ZNF521: variants seen among roughly 807,000 people sequenced by gnomAD.
ZNF521 encodes LYST-interacting protein 3.
Under a neutral mutation model 105.5 loss-of-function variants are expected in ZNF521, and 14 were observed. The observed-to-expected ratio is 0.13, with a 90% CI of 0.09 to 0.21. The LOEUF (loss-of-function observed/expected upper bound fraction) is 0.21. Ranked by LOEUF, ZNF521 falls within the 10% of genes least tolerant of loss-of-function variation. ZNF521 has a pLI of 1.00. For missense variants in ZNF521, 1,233 were observed against 1,629.7 expected, an observed-to-expected ratio of 0.76 and a Z score of 4.19; for synonymous variants, 635 against 606.0, an observed-to-expected ratio of 1.05 and a Z score of -0.70.
At chr18:25,096,880 G>C (rs899443238) in intron 5 of ZNF521, among the ~76,000 whole-genome samples, 1 of 152,168 alleles carries the variant, frequency 6.6e-6, no homozygotes, top group Non-Finnish European at 1.5e-5. Flanking sequence ...GCTCTGATCT[G>C]AGTGGGAGTA....
At chr18:25,107,274 G>A (rs934987590) in intron 5 of ZNF521, among the ~76,000 whole-genome samples, 1 of 152,208 alleles carries the variant, frequency 6.6e-6, no homozygotes, top group Non-Finnish European at 1.5e-5. Context: ...CTCAGTAAAT[G>A]TGAGTTATTC....
intron 5 of ZNF521, among the ~76,000 whole-genome samples, chr18:25,145,157 G>A (rs1355406922): frequency 6.6e-6 from 1 of 152,096 alleles, no homozygotes; most frequent in East Asian, 1.9e-4. Flanking sequence ...ACCAGACTGA[G>A]GTTTCAATAT....
intron 5 of ZNF521, among the ~76,000 whole-genome samples, chr18:25,116,882 T>TGTTAC (rs1327194876): frequency 1.9e-5 from 1 of 52,244 alleles, no homozygotes; most frequent in African/African-American, 4.1e-5. Context: ...TATATATATA[T>TGTTAC]ATATACGTAT....
chr18:25,195,239 C>G lies in ZNF521; in HGVS notation c.3579G>C (p.Lys1193Asn), dbSNP rs750043362. 2 of 1,585,590 alleles carry G rather than the reference C, an allele frequency of 1.3e-6. No homozygotes were observed. Among genetic ancestry groups the G allele is most frequent in the South Asian group, 1.2e-5 (1 of 86,690 alleles). The change falls in exon 5 of 8, where the codon AAG becomes AAC. Residue 1193 changes from lysine to asparagine, a missense_variant. Around this residue, in one of 6 missense-constraint regions of ZNF521, gnomAD observed 614 missense variants for 751.5 expected, o/e 0.82. Transcript: ENST00000361524. The part of the protein sequence containing the change: ...RISPSQSDEK[K>N]TYQCIKCQMV... Reference sequence around the variant, plus strand: ...TCTGACACTTGATGCATTGATAGGTCTTCTTCTGAGAAAACAAGTATAAAC... The same window carrying G: ...TCTGACACTTGATGCATTGATAGGTGTTCTTCTGAGAAAACAAGTATAAAC...
At chr18:25,160,383 T>C (rs2144520267) in intron 5 of ZNF521, among the ~76,000 whole-genome samples, 1 of 152,318 alleles carries the variant, frequency 6.6e-6, no homozygotes, top group South Asian at 2.1e-4. Context: ...GATGCACATG[T>C]GGCCAAATTC....
chr18:25,109,664 C>T (rs1024618179), intron 5 of ZNF521, among the ~76,000 whole-genome samples: 1 of 152,074 alleles, frequency 6.6e-6, no homozygotes, highest in African/African-American at 2.4e-5. Flanking sequence ...AAGATGATAC[C>T]TCATTGTGGT....
intron 3 of ZNF521, among the ~76,000 whole-genome samples, chr18:25,237,441 T>C (rs1448040894): frequency 6.6e-6 from 1 of 152,056 alleles, no homozygotes. Flanking sequence ...TATATGTGTC[T>C]ATATATAAAT....
At chr18:25,076,754 A>C (rs2033371931) in intron 7 of ZNF521, among the ~76,000 whole-genome samples, 1 of 152,226 alleles carries the variant, frequency 6.6e-6, no homozygotes, top group Non-Finnish European at 1.5e-5. Flanking sequence ...TGACGCTTGA[A>C]TCTACCTGAA....
At chr18:25,286,347 A>G (rs909319640) in intron 3 of ZNF521, among the ~76,000 whole-genome samples, 5 of 152,212 alleles carry the variant, frequency 3.3e-5, no homozygotes, top group African/African-American at 1.2e-4. Context: ...CAAAATGGAT[A>G]ATTATTAAAT....
chr18:25,077,602 T>A (rs1020959778), intron 7 of ZNF521, among the ~76,000 whole-genome samples: 2 of 152,136 alleles, frequency 1.3e-5, no homozygotes, highest in African/African-American at 4.8e-5. Context: ...TGAACGTCCA[T>A]GCGTTATGTT....
chr18:25,088,867 T>C (rs983992792), intron 7 of ZNF521, among the ~76,000 whole-genome samples: 10 of 152,186 alleles, frequency 6.6e-5, no homozygotes, highest in African/African-American at 2.4e-4. Context: ...TCTTCATATC[T>C]GAGGTTCAGA....
At chr18:25,121,782 A>G (rs2034449267) in intron 5 of ZNF521, among the ~76,000 whole-genome samples, 1 of 152,140 alleles carries the variant, frequency 6.6e-6, no homozygotes, top group African/African-American at 2.4e-5. Flanking sequence ...TCCTCCCCCC[A>G]AATATAAATA....
intron 5 of ZNF521, among the ~76,000 whole-genome samples, chr18:25,183,106 ATCTG>A (rs2035660642): frequency 6.6e-6 from 1 of 152,172 alleles, no homozygotes; most frequent in Non-Finnish European, 1.5e-5. Flanking sequence ...GTACAACAAT[ATCTG>A]TCTAATACTC....
intron 3 of ZNF521, among the ~76,000 whole-genome samples, chr18:25,283,499 A>G (rs978308856): frequency 6.6e-6 from 1 of 152,216 alleles, no homozygotes; most frequent in African/African-American, 2.4e-5. Flanking sequence ...ATTTTGCTGT[A>G]TCAGCAAGAA....
At chr18:25,249,959 G>A (rs940245301) in intron 3 of ZNF521, among the ~76,000 whole-genome samples, 1 of 151,994 alleles carries the variant, frequency 6.6e-6, no homozygotes, top group Non-Finnish European at 1.5e-5. Flanking sequence ...TTTGTTTTGA[G>A]ACCAAGTCTC....
At chr18:25,293,795 A>G (rs947216123) in intron 3 of ZNF521, among the ~76,000 whole-genome samples, 2 of 152,228 alleles carry the variant, frequency 1.3e-5, no homozygotes, top group Non-Finnish European at 2.9e-5. Flanking sequence ...CAAGCAAACC[A>G]TCAAAGCCTC....
intron 5 of ZNF521, among the ~76,000 whole-genome samples, chr18:25,094,917 T>G (rs2033822100): frequency 6.6e-6 from 1 of 152,146 alleles, no homozygotes; most frequent in African/African-American, 2.4e-5. Flanking sequence ...TTTTTTTAAT[T>G]GAGGGCAGCA....
At chr18:25,294,962 A>T (rs114394298) in intron 3 of ZNF521, among the ~76,000 whole-genome samples, 1,820 of 152,098 alleles carry the variant, frequency 0.012, 32 homozygotes, top group African/African-American at 0.039. Context: ...TTTTAAAAAA[A>T]ATTGACGAAA....
intron 5 of ZNF521, among the ~76,000 whole-genome samples, chr18:25,164,599 C>T (rs551564173): frequency 6.6e-6 from 1 of 152,260 alleles, no homozygotes; most frequent in South Asian, 2.1e-4. Flanking sequence ...GGGAGCATAT[C>T]TCAGGAGATT....
Sources: gnomAD v4.1 joint callset for allele counts (sites outside exome capture counted in the v4.1 genomes callset) on GRCh38, gnomAD v4.1.1 for gene constraint, gnomAD v4.1.1 regional missense constraint, MANE v1.5 for transcripts, NCBI Gene and HGNC (gene_info 2026-07-23, HGNC 2026-07-21) for gene names.